Variants in SCN8A observed in about 807,000 individuals in gnomAD.
SCN8A encodes sodium channel protein type 8 subunit alpha.
SCN8A carries 30 observed loss-of-function variants against 184.1 expected under a neutral mutation model. That is an observed-to-expected ratio of 0.16 (90% CI 0.12 to 0.22). The LOEUF (loss-of-function observed/expected upper bound fraction) is 0.22. Among genes scored for constraint, SCN8A ranks in the 10% least tolerant of loss-of-function variants. The probability of loss-of-function intolerance (pLI) is 1.00; values close to 1 mark genes in which losing one functional copy is unlikely to be tolerated. For missense variants in SCN8A, 1,057 were observed against 2,498.9 expected (o/e 0.42, Z 12.30); for synonymous variants, 852 against 907.0 (o/e 0.94, Z 1.09).
At chr12:51,640,018 C>T (rs1940411985) in intron 1 of SCN8A, among the ~76,000 whole-genome samples, 1 of 145,040 alleles carries the variant, frequency 6.9e-6, no homozygotes, top group African/African-American at 2.5e-5. Context: ...AGTGATTCTC[C>T]CACCTCAGCT....
chr12:51,750,982 C>T (rs1273957597), intron 13 of SCN8A, among the ~76,000 whole-genome samples: 5 of 152,146 alleles, frequency 3.3e-5, no homozygotes, highest in Admixed American at 6.5e-5. Flanking sequence ...AAAGTAAATG[C>T]CTTGTTTTAC....
chr12:51,625,837 A>G (rs761902044), intron 1 of SCN8A, among the ~76,000 whole-genome samples: 4 of 152,186 alleles, frequency 2.6e-5, no homozygotes, highest in Non-Finnish European at 5.9e-5. Context: ...GTAAGCCACC[A>G]TTTAGGATTA....
At chr12:51,727,633 C>G (rs768480607) in intron 12 of SCN8A, among the ~76,000 whole-genome samples, 1 of 152,148 alleles carries the variant, frequency 6.6e-6, no homozygotes, top group South Asian at 2.1e-4. Flanking sequence ...AGCTGCTTTA[C>G]CTGGGAGAGA....
chr12:51,635,544 G>A (rs1940297504), intron 1 of SCN8A, among the ~76,000 whole-genome samples: 1 of 152,186 alleles, frequency 6.6e-6, no homozygotes, highest in South Asian at 2.1e-4. Flanking sequence ...CATTTGATGG[G>A]AAACTTTAAA....
At chr12:51,693,264 T>A (rs1410315119) in intron 6 of SCN8A, among the ~76,000 whole-genome samples, 1 of 152,246 alleles carries the variant, frequency 6.6e-6, no homozygotes, top group Non-Finnish European at 1.5e-5. Context: ...TGCCTTTGTA[T>A]TTCTCCTTTT....
In SCN8A at chr12:51,743,696, A is replaced by C; in HGVS notation, c.1999-2207A>C. On this transcript the variant is annotated intron_variant, in intron 12 of 26. Transcript: ENST00000627620. Reference sequence around the variant, plus strand: ...ACATGGCTGCCACCTGTGTTCACTCAGGGCCCTAGGGCTCTATAGTCAGCA... The same window carrying C: ...ACATGGCTGCCACCTGTGTTCACTCCGGGCCCTAGGGCTCTATAGTCAGCA... Among the ~76,000 whole-genome samples the C allele has an allele frequency of 1.3e-5, 2 of 152,182 alleles. 1 individual carries two copies. Among genetic ancestry groups the C allele is most frequent in the East Asian group, 3.8e-4 (2 of 5,196 alleles).
At chr12:51,613,998 A>G (rs1234943747) in intron 1 of SCN8A, among the ~76,000 whole-genome samples, 2 of 152,132 alleles carry the variant, frequency 1.3e-5, no homozygotes, top group Non-Finnish European at 2.9e-5. Flanking sequence ...GTACATGTGT[A>G]CTTGAAGATA....
intron 21 of SCN8A, among the ~76,000 whole-genome samples, chr12:51,783,910 A>G (rs1421820971): frequency 6.6e-6 from 1 of 152,252 alleles, no homozygotes; most frequent in South Asian, 2.1e-4. Flanking sequence ...ACTTCCATTG[A>G]TAAAAGTAAC....
At chr12:51,685,437 A>C (rs545384403) in intron 3 of SCN8A, among the ~76,000 whole-genome samples, 116 of 152,322 alleles carry the variant, frequency 7.6e-4, no homozygotes, top group Admixed American at 1.9e-3. Flanking sequence ...TAATATGACA[A>C]TTAGAGTTTG....
rs151137112 is a variant in SCN8A at position 51,805,118 on chromosome 12, T to C, written c.4796-1164T>C. Among the ~76,000 whole-genome samples, 33 of 152,240 alleles carry C rather than the reference T, an allele frequency of 2.2e-4. No homozygotes were observed. In the East Asian group the frequency reaches 4.8e-3, roughly 22 times the overall value. On this transcript the variant is annotated intron_variant, in intron 26 of 26. Transcript: ENST00000627620. ...GCACAAATCTGGAAAAAAAACCTAA[T>C]CATTCTTGAGTAGAAAAACAAGTAA... is the stretch of plus-strand genomic sequence containing the variant.
intron 19 of SCN8A, among the ~76,000 whole-genome samples, chr12:51,771,011 A>G (rs941686413): frequency 6.6e-6 from 1 of 152,152 alleles, no homozygotes; most frequent in Non-Finnish European, 1.5e-5. Flanking sequence ...GTTACCCAGG[A>G]TGGGAGGGAG....
At chr12:51,760,868 T>G (rs1592147342) in intron 14 of SCN8A, among the ~76,000 whole-genome samples, 2 of 152,352 alleles carry the variant, frequency 1.3e-5, no homozygotes, top group Admixed American at 1.3e-4. Context: ...CTTATCCATT[T>G]TGATGTATTT....
At chr12:51,659,723 A>T (rs1292722381) in intron 1 of SCN8A, among the ~76,000 whole-genome samples, 1 of 152,168 alleles carries the variant, frequency 6.6e-6, no homozygotes, top group Non-Finnish European at 1.5e-5. Flanking sequence ...CTACTGCAGT[A>T]GGACCTGAAT....
In SCN8A at chr12:51,769,888, C is replaced by T. The variant is rs1364228863; in HGVS notation, c.3393C>T (p.Ser1131=). The change falls in exon 18 of 27, where the codon TCC becomes TCT. Residue 1131 remains serine, a synonymous_variant. Coordinates refer to ENST00000627620, the MANE Select transcript of SCN8A (RefSeq NM_001330260.2). ...TCTAGAAACTAGATGACACCAGCTCCTCTGAAGGAAGCACCATTGATATCA... is the reference window on the plus strand; with the variant it reads ...TCTAGAAACTAGATGACACCAGCTCTTCTGAAGGAAGCACCATTGATATCA... ...GSKDKLDDTS[S]SEGSTIDIKP... The T allele has an allele frequency of 6.2e-7, 1 of 1,603,472 alleles. No homozygotes were observed. Among genetic ancestry groups the T allele is most frequent in the Non-Finnish European group, 8.5e-7 (1 of 1,175,124 alleles).
chr12:51,639,176 A>C (rs1940386700), intron 1 of SCN8A, among the ~76,000 whole-genome samples: 1 of 151,900 alleles, frequency 6.6e-6, no homozygotes, highest in Non-Finnish European at 1.5e-5. Flanking sequence ...GACAAGGTTC[A>C]CCTTGTTGCC....
At chr12:51,679,535 G>A (rs1941288792) in intron 2 of SCN8A, among the ~76,000 whole-genome samples, 1 of 152,198 alleles carries the variant, frequency 6.6e-6, no homozygotes, top group Admixed American at 6.5e-5. Context: ...ACAGGGGTAA[G>A]TTGTTTTAAC....
chr12:51,634,012 T>C (rs945420389), intron 1 of SCN8A, among the ~76,000 whole-genome samples: 4 of 152,190 alleles, frequency 2.6e-5, no homozygotes, highest in Non-Finnish European at 5.9e-5. Context: ...AGAATGATGA[T>C]GGTAACATTG....
chr12:51,717,793 A>T (rs1245222067), intron 11 of SCN8A, among the ~76,000 whole-genome samples: 3 of 152,212 alleles, frequency 2.0e-5, no homozygotes, highest in East Asian at 3.8e-4. Flanking sequence ...GCAGAAGAAC[A>T]AAATAAGTCA....
At chr12:51,687,325 G>C in intron 5 of SCN8A, 106 bp downstream of exon 5, 1 of 1,272,474 alleles carries the variant, frequency 7.9e-7, no homozygotes, top group African/African-American at 1.5e-5. Flanking sequence ...AGCTGTATGA[G>C]GAATTAATGG....
Sources: allele counts gnomAD v4.1 joint callset (sites outside exome capture counted in the v4.1 genomes callset), GRCh38; gene constraint gnomAD v4.1.1; transcripts MANE v1.5; gene names NCBI Gene and HGNC (gene_info 2026-07-23, HGNC 2026-07-21).